Variants in LRMDA observed in about 807,000 individuals in gnomAD.
The protein encoded by LRMDA is leucine rich melanocyte differentiation associated, also known as leucine-rich melanocyte differentiation-associated protein.
Under a neutral mutation model 29.8 loss-of-function variants are expected in LRMDA, and 18 were observed. The ratio of observed to expected loss-of-function variants is 0.60; its 90% CI spans 0.42 to 0.90. The LOEUF is 0.90. Among genes scored for constraint, LRMDA ranks in the 40% least tolerant of loss-of-function variants. The pLI is 0.00. For missense variants in LRMDA, 273 were observed against 273.9 expected (o/e 1.00, Z 0.02); for synonymous variants, 125 against 109.4 (o/e 1.14, Z -0.89).
intron 2 of LRMDA, among the ~76,000 whole-genome samples, chr10:75,604,931 C>T (rs1047421870): frequency 6.6e-6 from 1 of 152,180 alleles, no homozygotes; most frequent in Non-Finnish European, 1.5e-5. Flanking sequence ...TTGTGACATA[C>T]TGAAGACCAC....
intron 6 of LRMDA, among the ~76,000 whole-genome samples, chr10:76,410,534 C>T (rs903128875): frequency 3.3e-5 from 5 of 151,894 alleles, no homozygotes; most frequent in Non-Finnish European, 7.4e-5. Flanking sequence ...GTCTTGAACT[C>T]CTAGGCTTAA....
intron 6 of LRMDA, among the ~76,000 whole-genome samples, chr10:76,391,199 G>A (rs981775192): frequency 6.6e-6 from 1 of 152,180 alleles, no homozygotes; most frequent in African/African-American, 2.4e-5. Flanking sequence ...CCAGGAAGGA[G>A]TCTTCCTCTT....
intron 2 of LRMDA, among the ~76,000 whole-genome samples, chr10:75,470,340 C>G (rs1000430259): frequency 3.3e-5 from 5 of 152,088 alleles, no homozygotes; most frequent in African/African-American, 1.2e-4. Flanking sequence ...CTACTAAAAA[C>G]ACAAAAATTA....
intron 6 of LRMDA, among the ~76,000 whole-genome samples, chr10:76,372,012 C>T (rs1176042752): frequency 6.6e-6 from 1 of 152,168 alleles, no homozygotes; most frequent in Non-Finnish European, 1.5e-5. Flanking sequence ...TTGGCACTTA[C>T]CTCCTCCCTG....
chr10:76,224,779 A>T lies in LRMDA; in HGVS notation c.517-99622A>T, dbSNP rs72817415. ...AGCAGTGAAGTCAAATATAGGTATGATCTAGGAAGAATTAACTAACCCTTG... is the reference window on the plus strand; with the variant it reads ...AGCAGTGAAGTCAAATATAGGTATGTTCTAGGAAGAATTAACTAACCCTTG... On this transcript the variant is annotated intron_variant, in intron 5 of 6. Coordinates refer to ENST00000611255, the MANE Select transcript of LRMDA (RefSeq NM_001305581.2). Among the ~76,000 whole-genome samples the T allele has an allele frequency of 3.7e-3, 547 of 149,222 alleles. 2 individuals carry two copies. Among genetic ancestry groups the T allele is most frequent in the Non-Finnish European group, 5.8e-3 (390 of 67,672 alleles).
At chr10:76,473,586 A>C (rs1842639314) in intron 6 of LRMDA, among the ~76,000 whole-genome samples, 1 of 150,394 alleles carries the variant, frequency 6.6e-6, no homozygotes, top group Non-Finnish European at 1.5e-5. Context: ...TTACTTGCAG[A>C]TCTTGTATAC....
intron 2 of LRMDA, among the ~76,000 whole-genome samples, chr10:75,560,928 T>C (rs1234954441): frequency 2.0e-5 from 3 of 151,850 alleles, no homozygotes; most frequent in African/African-American, 4.8e-5. Flanking sequence ...CTGCTGGATT[T>C]GGTTTGCCAG....
intron 3 of LRMDA, among the ~76,000 whole-genome samples, chr10:76,036,439 G>A (rs921606515): frequency 1.3e-5 from 2 of 152,172 alleles, no homozygotes; most frequent in Non-Finnish European, 2.9e-5. Context: ...TAAAAATAGA[G>A]AAAGAAAATA....
chr10:75,653,892 A>T (rs531409218), intron 2 of LRMDA, among the ~76,000 whole-genome samples: 1 of 152,322 alleles, frequency 6.6e-6, no homozygotes, highest in East Asian at 1.9e-4. Context: ...CCTGCTAGGT[A>T]TACCCTTTTT....
chr10:75,654,995 G>A (rs936479509), intron 2 of LRMDA, among the ~76,000 whole-genome samples: 17 of 152,288 alleles, frequency 1.1e-4, no homozygotes, highest in East Asian at 5.8e-4. Flanking sequence ...TCTGGCAAGC[G>A]GACTGGATTT....
intron 2 of LRMDA, among the ~76,000 whole-genome samples, chr10:75,491,122 G>T (rs76245666): frequency 0.011 from 1,670 of 152,312 alleles, 35 homozygotes; most frequent in African/African-American, 0.039. Flanking sequence ...TTTTTTAAAA[G>T]AATATTCTTT....
At chr10:76,213,721 G>T (rs564152788) in intron 5 of LRMDA, among the ~76,000 whole-genome samples, 1 of 152,282 alleles carries the variant, frequency 6.6e-6, no homozygotes, top group African/African-American at 2.4e-5. Context: ...ATATTAAAGA[G>T]CATTGGAAAT....
At chr10:76,412,917 T>G (rs1055833066) in intron 6 of LRMDA, among the ~76,000 whole-genome samples, 3 of 152,124 alleles carry the variant, frequency 2.0e-5, no homozygotes, top group African/African-American at 7.2e-5. Flanking sequence ...CCTTCTCCAC[T>G]TCTTCACTCC....
intron 5 of LRMDA, among the ~76,000 whole-genome samples, chr10:76,230,562 A>G (rs1852040364): frequency 1.3e-5 from 2 of 151,626 alleles, no homozygotes; most frequent in South Asian, 4.2e-4. Flanking sequence ...GGCAAAAAAA[A>G]AAAAAACCCC....
intron 6 of LRMDA, among the ~76,000 whole-genome samples, chr10:76,404,979 A>G (rs1841888051): frequency 6.6e-6 from 1 of 152,182 alleles, no homozygotes; most frequent in Non-Finnish European, 1.5e-5. Flanking sequence ...GCCTCTAGAA[A>G]CTGGAAAGGC....
intron 2 of LRMDA, among the ~76,000 whole-genome samples, chr10:75,674,572 C>T (rs1212910275): frequency 6.6e-6 from 1 of 152,100 alleles, no homozygotes; most frequent in African/African-American, 2.4e-5. Context: ...AGCCTTCTGC[C>T]TTGAATAATG....
In LRMDA at chr10:75,761,020, T is replaced by A. The variant is rs562140523; in HGVS notation, c.132-274988T>A. Among the ~76,000 whole-genome samples the A allele has an allele frequency of 5.3e-5, 8 of 152,354 alleles. No individual in the cohort carries two copies. The East Asian group carries it at 1.4e-3, about 26-fold the overall frequency. Reference sequence around the variant, plus strand: ...ATGAGAATTCAATAAGAAATCTTACTGTTCTAGGCCTCAGGATCCAAAGAT... The same window carrying A: ...ATGAGAATTCAATAAGAAATCTTACAGTTCTAGGCCTCAGGATCCAAAGAT... On this transcript the variant is annotated intron_variant, in intron 2 of 6. Coordinates refer to ENST00000611255, the MANE Select transcript of LRMDA (RefSeq NM_001305581.2).
intron 6 of LRMDA, among the ~76,000 whole-genome samples, chr10:76,330,151 A>G (rs577777185): frequency 2.0e-5 from 3 of 152,328 alleles, no homozygotes; most frequent in East Asian, 1.9e-4. Context: ...TCGGAGGTGC[A>G]GGGGCAGAAT....
chr10:75,813,228 G>A (rs1434077465), intron 2 of LRMDA, among the ~76,000 whole-genome samples: 1 of 152,202 alleles, frequency 6.6e-6, no homozygotes, highest in African/African-American at 2.4e-5. Context: ...AGATTGCAGT[G>A]GAGCTGCTGG....
Sources: gnomAD v4.1 joint callset for allele counts (sites outside exome capture counted in the v4.1 genomes callset) on GRCh38, gnomAD v4.1.1 for gene constraint, MANE v1.5 for transcripts, NCBI Gene and HGNC (gene_info 2026-07-23, HGNC 2026-07-21) for gene names.